ATP10B: variants seen among roughly 807,000 people sequenced by gnomAD.
The protein encoded by ATP10B is ATPase phospholipid transporting 10B (putative), also known as phospholipid-transporting ATPase VB.
Under a neutral mutation model 141.2 loss-of-function variants are expected in ATP10B, and 122 were observed. The observed-to-expected ratio is 0.86, with a 90% CI of 0.75 to 1.00. ATP10B has a LOEUF of 1.00. ATP10B is among the 50% of genes least tolerant of loss of function. ATP10B has a pLI of 0.00. For missense variants in ATP10B, 1,876 were observed against 1,825.3 expected (o/e 1.03, Z -0.51); for synonymous variants, 685 against 692.0 (o/e 0.99, Z 0.16).
chr5:160,826,599 C>T (rs1774620270), intron 1 of ATP10B, among the ~76,000 whole-genome samples: 5 of 152,126 alleles, frequency 3.3e-5, no homozygotes. Flanking sequence ...GGGAAGACAA[C>T]CATAAGGTCT....
chr5:160,815,575 A>T (rs1268682742), intron 1 of ATP10B, among the ~76,000 whole-genome samples: 2 of 148,130 alleles, frequency 1.4e-5, no homozygotes, highest in Non-Finnish European at 3.0e-5. Flanking sequence ...TACGAGACTA[A>T]CACCCCACTG....
At position 160,812,055 on chromosome 5, in the gene ATP10B, A is replaced by AGAGAGAGG. The variant is rs1554119662; in HGVS notation, c.-575-26253_-575-26252insCCTCTCTC. 1.3e-3 allele frequency among the ~76,000 whole-genome samples: 162 copies of AGAGAGAGG among 124,134 alleles called. 1 individual carries two copies. Among genetic ancestry groups the AGAGAGAGG allele is most frequent in the Admixed American group, 1.7e-3 (22 of 12,804 alleles). The allele number at this position is 124,134 out of a possible 152,430, so 81.4% of individuals were successfully genotyped here. ...GAGAGAGAGAGAGAGAGAGAGAGAGAGAGAGGGAGAGGGAGAGAGATTCCT... is the reference window on the plus strand; with the variant it reads ...GAGAGAGAGAGAGAGAGAGAGAGAGAGAGAGAGGGAGAGGGAGAGGGAGAGAGATTCCT... On this transcript the variant is annotated intron_variant, in intron 1 of 25. Transcript: ENST00000327245.
intron 3 of ATP10B, among the ~76,000 whole-genome samples, chr5:160,715,068 G>A: frequency 7.1e-6 from 1 of 140,222 alleles, no homozygotes; most frequent in Non-Finnish European, 1.6e-5. Context: ...CTGTCTTTTT[G>A]TTTGTCTGTG....
intron 3 of ATP10B, among the ~76,000 whole-genome samples, chr5:160,690,995 G>T (rs1186405946): frequency 1.3e-5 from 2 of 152,156 alleles, no homozygotes; most frequent in East Asian, 3.8e-4. Flanking sequence ...AGAAAATGTG[G>T]CACATACATA....
chr5:160,923,576 G>A, the ATP10B span, among the ~76,000 whole-genome samples: 3 of 152,178 alleles, frequency 2.0e-5, no homozygotes, highest in African/African-American at 7.2e-5. Context: ...GCATTTATTC[G>A]TGATCACACA....
At chr5:160,698,370 C>T (rs919265015) in intron 3 of ATP10B, among the ~76,000 whole-genome samples, 7 of 152,056 alleles carry the variant, frequency 4.6e-5, no homozygotes, top group African/African-American at 1.7e-4. Context: ...CCTGGCCAAG[C>T]CACTATTTTT....
chr5:160,842,860 TCTTCCA>T (rs1775892422), intron 1 of ATP10B, among the ~76,000 whole-genome samples: 1 of 152,072 alleles, frequency 6.6e-6, no homozygotes. Flanking sequence ...GCTGGTAATT[TCTTCCA>T]AGAGCTAAGG....
intron 24 of ATP10B, among the ~76,000 whole-genome samples, chr5:160,583,842 C>T (rs1367492776): frequency 6.6e-6 from 1 of 152,170 alleles, no homozygotes; most frequent in East Asian, 1.9e-4. Flanking sequence ...GGGAATACCA[C>T]CTACTGAAGC....
chr5:160,650,567 A>C (rs1248269699), intron 7 of ATP10B, among the ~76,000 whole-genome samples: 1 of 152,188 alleles, frequency 6.6e-6, no homozygotes, highest in Non-Finnish European at 1.5e-5. Context: ...GAACTCCCCA[A>C]ATCCTTATGA....
At chr5:160,802,696 C>A (rs138055792) in intron 1 of ATP10B, among the ~76,000 whole-genome samples, 4 of 152,160 alleles carry the variant, frequency 2.6e-5, no homozygotes, top group Non-Finnish European at 5.9e-5. Flanking sequence ...TTTCTTCCAG[C>A]CTAAAGTTAG....
At chr5:160,683,501 G>GC (rs1337611164) in intron 6 of ATP10B, among the ~76,000 whole-genome samples, 1 of 152,172 alleles carries the variant, frequency 6.6e-6, no homozygotes, top group Non-Finnish European at 1.5e-5. Context: ...CTCTAAGCTG[G>GC]CCACCTTTCA....
intron 6 of ATP10B, among the ~76,000 whole-genome samples, chr5:160,671,904 C>T (rs1762730557): frequency 6.6e-6 from 1 of 151,808 alleles, no homozygotes; most frequent in Non-Finnish European, 1.5e-5. Context: ...GGTATACTAC[C>T]TCCCTGCAGC....
the ATP10B span, among the ~76,000 whole-genome samples, chr5:160,871,866 T>C: frequency 6.6e-6 from 1 of 152,042 alleles, no homozygotes; most frequent in African/African-American, 2.4e-5. Flanking sequence ...TTTTGTATAA[T>C]GACTTTTTTG....
At chr5:160,766,938 C>T (rs1175122169) in intron 2 of ATP10B, among the ~76,000 whole-genome samples, 2 of 152,164 alleles carry the variant, frequency 1.3e-5, no homozygotes, top group Non-Finnish European at 2.9e-5. Flanking sequence ...CAGTTTGACA[C>T]CTGCTCCTAC....
the ATP10B span, among the ~76,000 whole-genome samples, chr5:160,926,032 G>C: frequency 6.6e-6 from 1 of 152,232 alleles, no homozygotes. Flanking sequence ...ATGAGAGCAC[G>C]TGCTCTGAAT....
chr5:160,729,309 C>T (rs1766580252), intron 2 of ATP10B, among the ~76,000 whole-genome samples: 1 of 152,156 alleles, frequency 6.6e-6, no homozygotes, highest in African/African-American at 2.4e-5. Flanking sequence ...TAGCACATAT[C>T]TGAGCTCCAC....
chr5:160,595,916 A>G (rs1756657568), intron 22 of ATP10B, among the ~76,000 whole-genome samples: 2 of 151,908 alleles, frequency 1.3e-5, no homozygotes, highest in East Asian at 3.9e-4. Context: ...TACCAACCAA[A>G]AAGAGTCCAG....
chr5:160,866,368 C>T, the ATP10B span, among the ~76,000 whole-genome samples: 24 of 152,126 alleles, frequency 1.6e-4, no homozygotes, highest in African/African-American at 5.8e-4. Context: ...CTATGGGATG[C>T]AAAGCCATAA....
At chr5:160,701,179 C>T (rs942738375) in intron 3 of ATP10B, among the ~76,000 whole-genome samples, 4 of 152,090 alleles carry the variant, frequency 2.6e-5, no homozygotes, top group African/African-American at 9.7e-5. Context: ...AACTCTAGAT[C>T]GACTCATGCC....
Sources: gnomAD v4.1 joint callset for allele counts (sites outside exome capture counted in the v4.1 genomes callset) on GRCh38, gnomAD v4.1.1 for gene constraint, MANE v1.5 for transcripts, NCBI Gene and HGNC (gene_info 2026-07-23, HGNC 2026-07-21) for gene names.